The following PSG9 variants were observed in gnomAD, a reference collection of about 807,000 sequenced individuals.
PSG9 encodes pregnancy-specific beta-1-glycoprotein 9.
In PSG9, 49 loss-of-function variants were observed where a neutral mutation model predicts 41.9. The ratio of observed to expected loss-of-function variants is 1.17; its 90% confidence interval spans 0.93 to 1.48. The LOEUF (loss-of-function observed/expected upper bound fraction) is 1.48, where lower values mean the gene tolerates loss of function less well. Ranked by LOEUF, PSG9 falls within the 40% of genes most tolerant of loss-of-function variation. PSG9 has a pLI of 0.00. For synonymous variants in PSG9, 263 were observed against 196.8 expected, an observed-to-expected ratio of 1.34 and a Z score of -2.82; for missense variants, 641 against 520.3, an observed-to-expected ratio of 1.23 and a Z score of -2.26.
chr19:43,255,288 G>A (rs1205839758), intron 5 of PSG9, among the ~76,000 whole-genome samples: 1 of 145,972 alleles, frequency 6.9e-6, no homozygotes, highest in African/African-American at 2.6e-5. Flanking sequence ...TAATAAGATT[G>A]AATCAATAAA....
Position 43,258,957 on chromosome 19 carries a change from A to G in PSG9, c.888T>C (p.Ile296=). Residue 296 remains isoleucine, a synonymous_variant, in exon 4 of 6, where the codon ATT becomes ATC. Coordinates refer to ENST00000270077, the MANE Select transcript of PSG9 (RefSeq NM_002784.5). The part of the protein sequence containing the change: ...VKRPIENRIL[I]LPSVTRNETG... ...TTTCATTTCTCGTGACACTGGGTAG[A>G]ATGAGTATCCTGTTTTCAATGGGTC... 2.5e-6 allele frequency: 4 copies of G among 1,590,150 alleles called. 1 individual carries two copies. Among genetic ancestry groups the G allele is most frequent in the Non-Finnish European group, 8.5e-7 (1 of 1,174,344 alleles).
rs1968464897 is a variant in PSG9 at position 43,256,986 on chromosome 19, G to C, written c.1243+1216C>G. Reference sequence around the variant, plus strand: ...GAAAGATAAGTGGGTAGGCAAATGAGGTGTATCTATACATTGAAATGTTAT... The same window carrying C: ...GAAAGATAAGTGGGTAGGCAAATGACGTGTATCTATACATTGAAATGTTAT... On this transcript the variant is annotated intron_variant, in intron 5 of 5. Coordinates refer to ENST00000270077, the MANE Select transcript of PSG9 (RefSeq NM_002784.5). 1.4e-5 allele frequency among the ~76,000 whole-genome samples: 2 copies of C among 146,714 alleles called. 1 individual carries two copies. Among genetic ancestry groups the C allele is most frequent in the African/African-American group, 5.2e-5 (2 of 38,670 alleles).
rs1210439180 is a variant in PSG9 at position 43,254,512 on chromosome 19, T to C, written c.1244-866A>G. Among the ~76,000 whole-genome samples the C allele has an allele frequency of 7.5e-5, 11 of 146,180 alleles. 2 individuals are homozygous for C. Among genetic ancestry groups the C allele is most frequent in the Admixed American group, 7.5e-4 (11 of 14,642 alleles). On this transcript the variant is annotated intron_variant, in intron 5 of 5. Transcript: ENST00000270077. ...GAGAAGTTGAGTCTTGTGCAAGAAA[T>C]TTATAACTGTAAACTCTTACATTAA...
Position 43,255,882 on chromosome 19 carries a change from G to C in PSG9, c.1244-2236C>G, listed in dbSNP as rs533487804. 9.5e-5 allele frequency among the ~76,000 whole-genome samples: 14 copies of C among 146,622 alleles called. 1 individual carries two copies. The highest frequency in any genetic ancestry group is 1.9e-4 in the Non-Finnish European group (13 of 67,322). On this transcript the variant is annotated intron_variant, in intron 5 of 5. Transcript: ENST00000270077. ...ACATCAATAAATTGAAAGACATTTTGTTTTCATGAATTGGAAGACTCAATA... is the reference window on the plus strand; with the variant it reads ...ACATCAATAAATTGAAAGACATTTTCTTTTCATGAATTGGAAGACTCAATA...
intron 5 of PSG9, chr19:43,257,618 A>C (rs16976087): frequency 2.0e-6 from 2 of 984,730 alleles, no homozygotes; most frequent in Non-Finnish European, 2.4e-6. Context: ...CTGGCAGCTC[A>C]ATTTAGCCAA....
In PSG9 at chr19:43,269,402, TG is replaced by T; in HGVS notation, c.29del (p.Thr10AsnfsTer16). On this transcript the variant is annotated frameshift_variant, in exon 1 of 6. Transcript: ENST00000270077. LOFTEE classifies it high-confidence loss of function. ...GGAGCCCCTTCCAGGTGATGCGCTG[TG>T]TGCAGGAAGGGGCTGGGAGGGGCCC... MGPLPAPSCTQRITWKGLLL... is the reference protein window; with the variant it reads MGPLPAPSCXQRITWKGLLL... The T allele has an allele frequency of 6.2e-7, 1 of 1,613,712 alleles. No individual in the cohort carries two copies. Among genetic ancestry groups the T allele is most frequent in the Non-Finnish European group, 8.5e-7 (1 of 1,179,710 alleles).
Position 43,255,118 on chromosome 19 carries a change from AAAG to A in PSG9, c.1244-1475_1244-1473del, listed in dbSNP as rs201382430. On this transcript the variant is annotated intron_variant, in intron 5 of 5. Transcript: ENST00000270077. ...CTCTCTCTCTTCCAAAAAAAAAAAA[AAAG>A]AAAGAAAGAAAGAAAAATGAAGCGA... Among the ~76,000 whole-genome samples, 660 of 81,638 alleles carry A rather than the reference AAAG, an allele frequency of 8.1e-3. 23 individuals are homozygous for A. In the East Asian group the frequency reaches 0.12, roughly 15 times the overall value. The allele number at this position is 81,638 out of a possible 152,430, so 53.6% of individuals were successfully genotyped here. A position where few individuals can be genotyped will look rare whatever the true frequency, so the allele number is the denominator to read the frequency against.
intron 3 of PSG9, chr19:43,259,449 G>A: frequency 2.6e-6 from 1 of 383,734 alleles, no homozygotes; most frequent in Non-Finnish European, 4.3e-6. Flanking sequence ...TCAGTTGACT[G>A]GCTGGCTCAC....
In PSG9 at chr19:43,269,394, A is replaced by G. The variant is rs1187415584; in HGVS notation, c.38T>C (p.Ile13Thr). The stretch of plus-strand genomic sequence containing the variant: ...TGTGAGCAGGAGCCCCTTCCAGGTG[A>G]TGCGCTGTGTGCAGGAAGGGGCTGG... ...PLPAPSCTQR[I>T]TWKGLLLTAS... Residue 13 changes from isoleucine to threonine, a missense_variant, in exon 1 of 6, where the codon ATC becomes ACC. By Grantham distance (89) the Ile-to-Thr change is moderately conservative (BLOSUM62 -1). Transcript: ENST00000270077. The G allele has an allele frequency of 6.2e-7, 1 of 1,613,604 alleles. No individual in the cohort carries two copies. Among genetic ancestry groups the G allele is most frequent in the African/African-American group, 1.3e-5 (1 of 75,010 alleles).
chr19:43,263,085 T>G (rs889283631), intron 2 of PSG9, among the ~76,000 whole-genome samples: 1 of 152,180 alleles, frequency 6.6e-6, no homozygotes, highest in Admixed American at 6.5e-5. Flanking sequence ...CTTTCTCTCA[T>G]TGGACATTCT....
chr19:43,255,481 T>C (rs2883683), intron 5 of PSG9, among the ~76,000 whole-genome samples: 36,486 of 145,720 alleles, frequency 0.25, 8,047 homozygotes, highest in East Asian at 0.88. Context: ...GACACTTTTA[T>C]TCAACGTAGT....
In PSG9 at chr19:43,268,229, G is replaced by T. The variant is rs572485784; in HGVS notation, c.65-80C>A. The T allele has an allele frequency of 5.6e-4, 827 of 1,474,142 alleles. 5 individuals carry two copies. Among genetic ancestry groups the T allele is most frequent in the Non-Finnish European group, 7.1e-4 (778 of 1,093,272 alleles). 91.3% of individuals were successfully genotyped at this position (1,474,142 alleles called of 1,614,324 possible). A position where few individuals can be genotyped will look rare whatever the true frequency, so the allele number is the denominator to read the frequency against. ...AGATGGGGCCCTGGGTCCTGAGAAG[G>T]TCTCTTCCATCCTCAGCCTTGAAGA... On this transcript the variant is annotated intron_variant, in intron 1 of 5. Transcript: ENST00000270077.
intron 2 of PSG9, among the ~76,000 whole-genome samples, chr19:43,264,027 A>C (rs921718449): frequency 7.2e-5 from 11 of 152,096 alleles, no homozygotes; most frequent in Admixed American, 2.6e-4. Context: ...CTAAAATTTA[A>C]GTCTGTGTGA....
chr19:43,265,127 T>C (rs1968906595), intron 2 of PSG9, among the ~76,000 whole-genome samples: 1 of 152,132 alleles, frequency 6.6e-6, no homozygotes, highest in Non-Finnish European at 1.5e-5. Context: ...TATTTTATGG[T>C]TTAACTTTGA....
At chr19:43,269,218 C>T in intron 1 of PSG9, 150 bp downstream of exon 1, 2 of 1,368,624 alleles carry the variant, frequency 1.5e-6, no homozygotes, top group African/African-American at 1.5e-5. Context: ...ATTGGCCGGA[C>T]TGATCTTGAA....
chr19:43,258,164 A>G lies in PSG9; in HGVS notation c.1243+38T>C, dbSNP rs2072284. ...TCTCTGAAAGCCAGATAGACTCCACATAAAACCCTACTGCCAAGGATGCTG... is the reference window on the plus strand; with the variant it reads ...TCTCTGAAAGCCAGATAGACTCCACGTAAAACCCTACTGCCAAGGATGCTG... On this transcript the variant is annotated intron_variant, in intron 5 of 5. Transcript: ENST00000270077. 1,200 of 1,592,066 alleles carry G rather than the reference A, an allele frequency of 7.5e-4. 197 individuals are homozygous for G. The African/African-American group carries it at 0.015, about 20-fold the overall frequency.
chr19:43,259,874 T>C (rs1438475836), intron 3 of PSG9: 2 of 147,068 alleles, frequency 1.4e-5, no homozygotes, highest in East Asian at 4.7e-4. Context: ...TGTCCTGGGT[T>C]CTTTAAGTTT....
chr19:43,265,375 G>C (rs1370654854), intron 2 of PSG9, among the ~76,000 whole-genome samples: 1 of 152,068 alleles, frequency 6.6e-6, no homozygotes, highest in Admixed American at 6.5e-5. Flanking sequence ...CGTGAGATTG[G>C]TCTTTTGAGA....
At chr19:43,265,971 G>C (rs1338054766) in intron 2 of PSG9, among the ~76,000 whole-genome samples, 1 of 152,072 alleles carries the variant, frequency 6.6e-6, no homozygotes, top group Non-Finnish European at 1.5e-5. Context: ...GTGTTAGTAG[G>C]AAGGGAACCG....
Sources: gnomAD v4.1 joint callset for allele counts (sites outside exome capture counted in the v4.1 genomes callset) on GRCh38, gnomAD v4.1.1 for gene constraint, MANE v1.5 for transcripts, NCBI Gene and HGNC (gene_info 2026-07-23, HGNC 2026-07-21) for gene names.